Variants in NKAIN3 observed in about 807,000 individuals in gnomAD.
NKAIN3 encodes the protein sodium/potassium-transporting ATPase subunit beta-1-interacting protein 3.
A neutral mutation model predicts 30.2 loss-of-function variants in NKAIN3; 25 were observed. The observed-to-expected ratio is 0.83, with a 90% CI of 0.60 to 1.16. The LOEUF (loss-of-function observed/expected upper bound fraction) is 1.16. NKAIN3 is among the 50% of genes most tolerant of loss of function. NKAIN3 has a pLI of 0.00. For synonymous variants in NKAIN3, 91 were observed against 89.6 expected, an observed-to-expected ratio of 1.02 and a Z score of -0.09; for missense variants, 225 against 254.1, an observed-to-expected ratio of 0.89 and a Z score of 0.78.
chr8:62,958,161 T>C (rs1823474874), intron 6 of NKAIN3, among the ~76,000 whole-genome samples: 1 of 151,958 alleles, frequency 6.6e-6, no homozygotes, highest in South Asian at 2.1e-4. Flanking sequence ...ATGTTTGCCA[T>C]AGTTCTCGTA....
chr8:62,469,174 G>C (rs1781822034), intron 1 of NKAIN3, among the ~76,000 whole-genome samples: 1 of 152,068 alleles, frequency 6.6e-6, no homozygotes. Context: ...TTAGAGTTTA[G>C]TGTCATGCCT....
chr8:62,518,073 C>G lies in NKAIN3; in HGVS notation c.55-61466C>G, dbSNP rs546841840. ...ATGTAACTCAGCACCTTAAGATGCT[C>G]ATTTGGGCCAGGCACAGTGGCTCAC... is the stretch of plus-strand genomic sequence containing the variant. On this transcript the variant is annotated intron_variant, in intron 1 of 6. Transcript: ENST00000623646. Among the ~76,000 whole-genome samples the G allele has an allele frequency of 5.9e-5, 9 of 152,190 alleles. No homozygotes were observed. In the South Asian group the frequency reaches 1.9e-3, roughly 32 times the overall value.
intron 4 of NKAIN3, among the ~76,000 whole-genome samples, chr8:62,862,222 A>G (rs1187319272): frequency 6.6e-6 from 1 of 152,216 alleles, no homozygotes; most frequent in Admixed American, 6.5e-5. Context: ...ATGTTGACAT[A>G]GTTAAACAGA....
intron 1 of NKAIN3, among the ~76,000 whole-genome samples, chr8:62,278,314 G>T (rs1188873437): frequency 6.6e-6 from 1 of 151,896 alleles, no homozygotes; most frequent in Non-Finnish European, 1.5e-5. Context: ...ACTAAGGAAT[G>T]AAGCAAAGTA....
chr8:62,887,675 A>T (rs1821189159), intron 4 of NKAIN3, among the ~76,000 whole-genome samples: 2 of 152,180 alleles, frequency 1.3e-5, no homozygotes, highest in East Asian at 3.8e-4. Context: ...AATGAGCCCA[A>T]CAAAAGCATC....
At chr8:62,453,984 A>C (rs1035390805) in intron 1 of NKAIN3, among the ~76,000 whole-genome samples, 1 of 152,152 alleles carries the variant, frequency 6.6e-6, no homozygotes, top group Non-Finnish European at 1.5e-5. Flanking sequence ...TATTGAAACT[A>C]TTCCAAAGAA....
At chr8:62,472,115 G>A (rs1269220625) in intron 1 of NKAIN3, among the ~76,000 whole-genome samples, 2 of 152,048 alleles carry the variant, frequency 1.3e-5, no homozygotes, top group African/African-American at 2.4e-5. Context: ...CAGGAGTTCA[G>A]GGAGCTGACC....
chr8:62,918,269 C>A (rs965383708), intron 4 of NKAIN3, among the ~76,000 whole-genome samples, 184 bp from the exon 5 acceptor site: 79 of 152,150 alleles, frequency 5.2e-4, no homozygotes, highest in African/African-American at 1.9e-3. Context: ...TTTTAGAAAG[C>A]TATTAAGGCT....
At chr8:62,632,195 T>C (rs12545543) in intron 3 of NKAIN3, among the ~76,000 whole-genome samples, 36,794 of 152,012 alleles carry the variant, frequency 0.24, 4,693 homozygotes, top group East Asian at 0.34. Context: ...CAACCACTTA[T>C]ATTGATTTAG....
chr8:62,934,197 C>A (rs902305869), intron 5 of NKAIN3, among the ~76,000 whole-genome samples: 1 of 151,078 alleles, frequency 6.6e-6, no homozygotes, highest in Non-Finnish European at 1.5e-5. Context: ...CCAGTCTGGG[C>A]GACATGGTGA....
In NKAIN3 at chr8:62,249,011, A is replaced by G. The variant is rs909077885; in HGVS notation, c.-63A>G. 2 of 1,438,392 alleles carry G rather than the reference A, an allele frequency of 1.4e-6. No individual in the cohort carries two copies. Among genetic ancestry groups the G allele is most frequent in the African/African-American group, 2.9e-5 (2 of 68,896 alleles). 89.1% of individuals were successfully genotyped at this position (1,438,392 alleles called of 1,614,324 possible). A position where few individuals can be genotyped will look rare whatever the true frequency, so the allele number is the denominator to read the frequency against. On this transcript the variant is annotated 5_prime_UTR_variant, in exon 1 of 7. Transcript: ENST00000623646. The stretch of plus-strand genomic sequence containing the variant: ...GGGCGGGGACTACTCCGGAGTCAGG[A>G]GGCAGCAGCGGCGGAGGACGAGGAT...
intron 1 of NKAIN3, among the ~76,000 whole-genome samples, chr8:62,546,382 A>G (rs935737642): frequency 6.6e-6 from 1 of 152,182 alleles, no homozygotes; most frequent in Non-Finnish European, 1.5e-5. Flanking sequence ...CAGAGTTGCT[A>G]TGGCTGTTGC....
chr8:62,638,357 T>A (rs994308304), intron 3 of NKAIN3, among the ~76,000 whole-genome samples: 3 of 152,180 alleles, frequency 2.0e-5, no homozygotes, highest in African/African-American at 7.2e-5. Flanking sequence ...AAGTACATTC[T>A]ACATATGTAG....
chr8:62,669,490 A>G (rs545058313), intron 3 of NKAIN3, among the ~76,000 whole-genome samples: 19 of 152,270 alleles, frequency 1.2e-4, no homozygotes, highest in African/African-American at 4.3e-4. Flanking sequence ...AAAATGACAC[A>G]TCTTCTAAAT....
chr8:62,586,111 G>T (rs1050064063), intron 2 of NKAIN3, among the ~76,000 whole-genome samples: 1 of 152,136 alleles, frequency 6.6e-6, no homozygotes, highest in Non-Finnish European at 1.5e-5. Context: ...TGAAAAGTCC[G>T]CAATTTAGTT....
intron 1 of NKAIN3, among the ~76,000 whole-genome samples, chr8:62,326,612 T>C (rs1257428760): frequency 2.6e-5 from 4 of 152,040 alleles, no homozygotes; most frequent in Non-Finnish European, 4.4e-5. Context: ...AACTTCCCTA[T>C]GAAAATAAAT....
chr8:62,872,513 C>T (rs1468801263), intron 4 of NKAIN3, among the ~76,000 whole-genome samples: 1 of 152,252 alleles, frequency 6.6e-6, no homozygotes, highest in East Asian at 1.9e-4. Flanking sequence ...GAGCATCCAA[C>T]TGGACTCTCA....
At chr8:62,421,623 T>C (rs1804643892) in intron 1 of NKAIN3, among the ~76,000 whole-genome samples, 1 of 149,328 alleles carries the variant, frequency 6.7e-6, no homozygotes, top group Non-Finnish European at 1.5e-5. Context: ...TCTCTCTTTC[T>C]CTCTCTCTCT....
chr8:62,775,821 A>G (rs984306702), intron 4 of NKAIN3, among the ~76,000 whole-genome samples: 6 of 152,054 alleles, frequency 3.9e-5, no homozygotes, highest in Non-Finnish European at 2.9e-5. Flanking sequence ...GATCTATTGT[A>G]CAGTTTAAGT....
Sources: allele counts gnomAD v4.1 joint callset (sites outside exome capture counted in the v4.1 genomes callset), GRCh38; gene constraint gnomAD v4.1.1; transcripts MANE v1.5; gene names NCBI Gene and HGNC (gene_info 2026-07-23, HGNC 2026-07-21).